DLG2: variants seen among roughly 807,000 people sequenced by gnomAD.
The protein encoded by DLG2 is discs large MAGUK scaffold protein 2.
In DLG2, 45 loss-of-function variants were observed where a neutral mutation model predicts 132.5. The observed-to-expected ratio is 0.34, with a 90% confidence interval of 0.27 to 0.44. The LOEUF (loss-of-function observed/expected upper bound fraction) is 0.44, where lower values mean the gene tolerates loss of function less well. Ranked by LOEUF, DLG2 falls within the 20% of genes least tolerant of loss-of-function variation. The pLI, the probability that DLG2 is intolerant of heterozygous loss-of-function variation, is 1.00. For missense variants in DLG2, 1,045 were observed against 1,196.9 expected (o/e 0.87, Z 1.87); for synonymous variants, 424 against 419.6 (o/e 1.01, Z -0.13).
intron 19 of DLG2, among the ~76,000 whole-genome samples, chr11:83,616,158 T>G (rs1371281633): frequency 6.6e-6 from 1 of 152,228 alleles, no homozygotes; most frequent in African/African-American, 2.4e-5. Flanking sequence ...TGATGGACAT[T>G]TGGTTATTCC....
chr11:84,625,636 A>G (rs1229763355), intron 6 of DLG2, among the ~76,000 whole-genome samples: 4 of 152,226 alleles, frequency 2.6e-5, no homozygotes, highest in African/African-American at 7.2e-5. Flanking sequence ...TCAGATGGAA[A>G]CAAAGTTGGC....
chr11:85,102,331 C>G (rs979164147), intron 6 of DLG2, among the ~76,000 whole-genome samples: 1 of 151,898 alleles, frequency 6.6e-6, no homozygotes, highest in East Asian at 1.9e-4. Context: ...CCCTATTCAA[C>G]CCAGAGTAAA....
intron 3 of DLG2, among the ~76,000 whole-genome samples, chr11:85,295,435 T>G (rs943904414): frequency 6.6e-6 from 1 of 152,154 alleles, no homozygotes; most frequent in Non-Finnish European, 1.5e-5. Context: ...AGTTGTACTT[T>G]GTAAATGTCA....
chr11:83,599,242 A>G (rs1377967091), intron 19 of DLG2, among the ~76,000 whole-genome samples: 2 of 152,126 alleles, frequency 1.3e-5, no homozygotes, highest in African/African-American at 2.4e-5. Flanking sequence ...TACCTCTGTG[A>G]GCTCACCTTA....
At chr11:85,506,873 A>G (rs1271572969) in intron 3 of DLG2, among the ~76,000 whole-genome samples, 1 of 151,820 alleles carries the variant, frequency 6.6e-6, no homozygotes, top group Admixed American at 6.6e-5. Context: ...TAGATCTCTA[A>G]GGACTTGCTT....
chr11:85,547,346 G>A (rs1409085232), intron 3 of DLG2, among the ~76,000 whole-genome samples: 3 of 152,192 alleles, frequency 2.0e-5, no homozygotes, highest in Admixed American at 6.5e-5. Flanking sequence ...TAGGGTTTCT[G>A]CAGAGAGATC....
chr11:85,239,666 T>C (rs1042093300), intron 4 of DLG2, among the ~76,000 whole-genome samples: 4 of 152,026 alleles, frequency 2.6e-5, no homozygotes, highest in African/African-American at 4.8e-5. Flanking sequence ...ATTTATATAA[T>C]CTTTTGGGAC....
intron 7 of DLG2, among the ~76,000 whole-genome samples, chr11:84,462,385 C>A (rs1220067852): frequency 2.0e-5 from 3 of 150,938 alleles, no homozygotes; most frequent in Non-Finnish European, 4.5e-5. Context: ...CCTAATAATG[C>A]AAATAAACAT....
chr11:84,292,289 G>A (rs2098012892), intron 7 of DLG2, among the ~76,000 whole-genome samples: 1 of 152,162 alleles, frequency 6.6e-6, no homozygotes, highest in East Asian at 1.9e-4. Flanking sequence ...TACCAGTGGA[G>A]AGACTTCTCC....
At chr11:84,625,229 A>G (rs1274223377) in intron 6 of DLG2, among the ~76,000 whole-genome samples, 1 of 152,056 alleles carries the variant, frequency 6.6e-6, no homozygotes, top group Non-Finnish European at 1.5e-5. Flanking sequence ...AAAATTTCAC[A>G]TTACTCCCCC....
intron 6 of DLG2, among the ~76,000 whole-genome samples, chr11:84,572,880 A>G (rs2099489033): frequency 6.6e-6 from 1 of 152,074 alleles, no homozygotes; most frequent in South Asian, 2.1e-4. Flanking sequence ...TGTTTCCTCC[A>G]TGGGATTTGG....
intron 6 of DLG2, among the ~76,000 whole-genome samples, chr11:85,053,052 A>G (rs1325249223): frequency 1.3e-5 from 2 of 152,236 alleles, no homozygotes; most frequent in African/African-American, 4.8e-5. Flanking sequence ...CTTTTATTCT[A>G]TCACAAGTAA....
At chr11:83,515,234 C>A (rs909869290) in intron 21 of DLG2, among the ~76,000 whole-genome samples, 1 of 152,180 alleles carries the variant, frequency 6.6e-6, no homozygotes, top group Non-Finnish European at 1.5e-5. Flanking sequence ...AGAGATTCAA[C>A]TTCTTCCTGG....
chr11:84,058,017 C>T (rs908614314), intron 11 of DLG2, among the ~76,000 whole-genome samples: 25 of 152,034 alleles, frequency 1.6e-4, no homozygotes, highest in African/African-American at 6.0e-4. Flanking sequence ...ATTATGATCC[C>T]CATTTAATAA....
intron 3 of DLG2, among the ~76,000 whole-genome samples, chr11:85,407,314 C>T (rs374604803): frequency 4.0e-5 from 6 of 151,754 alleles, no homozygotes; most frequent in South Asian, 4.2e-4. Flanking sequence ...AGTTGGAAGG[C>T]TAATGGGTAT....
intron 6 of DLG2, among the ~76,000 whole-genome samples, chr11:84,818,374 T>C (rs2077299784): frequency 6.6e-6 from 1 of 151,966 alleles, no homozygotes; most frequent in Non-Finnish European, 1.5e-5. Context: ...TTTTAAGAAA[T>C]AAAAACCCTC....
chr11:85,012,674 G>T (rs1005093481), intron 6 of DLG2, among the ~76,000 whole-genome samples: 1 of 152,000 alleles, frequency 6.6e-6, no homozygotes, highest in Non-Finnish European at 1.5e-5. Context: ...ATTGCTTTTG[G>T]GGTTACTGTT....
chr11:83,991,693 T>C (rs973849267), intron 11 of DLG2, among the ~76,000 whole-genome samples: 8 of 152,082 alleles, frequency 5.3e-5, no homozygotes, highest in African/African-American at 1.9e-4. Context: ...CACTGATCTG[T>C]AGTTCCACCT....
chr11:84,193,952 C>G (rs879409940), intron 8 of DLG2, among the ~76,000 whole-genome samples: 2 of 152,134 alleles, frequency 1.3e-5, no homozygotes, highest in Non-Finnish European at 2.9e-5. Flanking sequence ...GGACTGCTGG[C>G]GTATGGAACA....
Sources: gnomAD v4.1 joint callset for allele counts (sites outside exome capture counted in the v4.1 genomes callset) on GRCh38, gnomAD v4.1.1 for gene constraint, MANE v1.5 for transcripts, NCBI Gene and HGNC (gene_info 2026-07-23, HGNC 2026-07-21) for gene names.